PIK3R3: variants seen among roughly 807,000 people sequenced by gnomAD.
PIK3R3 encodes phosphatidylinositol 3-kinase regulatory subunit gamma.
A neutral mutation model predicts 62.9 loss-of-function variants in PIK3R3; 64 were observed. That is an observed-to-expected ratio of 1.02 (90% CI 0.83 to 1.25). PIK3R3 has a LOEUF of 1.25. PIK3R3 is among the 50% of genes most tolerant of loss of function. The probability of loss-of-function intolerance (pLI) is 0.00; values close to 1 mark genes in which losing one functional copy is unlikely to be tolerated. For synonymous variants in PIK3R3, 165 were observed against 189.0 expected, an observed-to-expected ratio of 0.87 and a Z score of 1.04; for missense variants, 614 against 561.6, an observed-to-expected ratio of 1.09 and a Z score of -0.94.
the PIK3R3 span, among the ~76,000 whole-genome samples, chr1:46,161,833 C>T: frequency 6.6e-6 from 1 of 152,206 alleles, no homozygotes; most frequent in South Asian, 2.1e-4. Context: ...TGGCTCAAGC[C>T]TGTAATCCCA....
chr1:46,123,158 C>T (rs1654824534), intron 1 of PIK3R3, among the ~76,000 whole-genome samples: 2 of 152,144 alleles, frequency 1.3e-5, no homozygotes, highest in African/African-American at 4.8e-5. Context: ...GAATTATATT[C>T]ATGAAATAAT....
chr1:46,156,082 A>T, the PIK3R3 span, among the ~76,000 whole-genome samples: 1 of 152,202 alleles, frequency 6.6e-6, no homozygotes, highest in African/African-American at 2.4e-5. Flanking sequence ...TAAAACGTGT[A>T]TCTTAAAATG....
chr1:46,111,576 A>G (rs962978710), intron 1 of PIK3R3, among the ~76,000 whole-genome samples: 6 of 152,058 alleles, frequency 3.9e-5, no homozygotes, highest in African/African-American at 1.4e-4. Context: ...AAATACAAAA[A>G]TTAGCCGCGT....
At chr1:46,150,891 T>C in the PIK3R3 span, among the ~76,000 whole-genome samples, 2 of 147,974 alleles carry the variant, frequency 1.4e-5, no homozygotes, top group Admixed American at 6.8e-5. Context: ...TCACTGCAAC[T>C]TCCGCCTCCC....
intron 1 of PIK3R3, among the ~76,000 whole-genome samples, chr1:46,129,507 T>C (rs1002936012): frequency 2.0e-5 from 3 of 152,022 alleles, no homozygotes; most frequent in African/African-American, 7.2e-5. Flanking sequence ...CATTGTAAGA[T>C]AAATCATCAG....
the PIK3R3 span, among the ~76,000 whole-genome samples, chr1:46,171,629 C>G: frequency 6.6e-6 from 1 of 152,046 alleles, no homozygotes; most frequent in African/African-American, 2.4e-5. Context: ...AGCCTGGCGC[C>G]CCAGGGGCTG....
chr1:46,077,025 T>C (rs767410608), intron 3 of PIK3R3, among the ~76,000 whole-genome samples: 2 of 152,298 alleles, frequency 1.3e-5, no homozygotes, highest in Admixed American at 1.3e-4. Context: ...TGTGCAAATA[T>C]TAAAAAATCA....
chr1:46,047,424 C>T (rs1232832387), intron 7 of PIK3R3, among the ~76,000 whole-genome samples: 8 of 130,982 alleles, frequency 6.1e-5, no homozygotes, highest in East Asian at 4.3e-4. Context: ...GGCGACAGAA[C>T]GAGACTCCAT....
intron 1 of PIK3R3, 68 bp downstream of exon 1, chr1:46,131,779 A>G: frequency 6.7e-7 from 1 of 1,483,982 alleles, no homozygotes; most frequent in Non-Finnish European, 9.4e-7. Flanking sequence ...CCCTGAAAAC[A>G]TCAGCAAGCT....
At chr1:46,162,809 G>A in the PIK3R3 span, among the ~76,000 whole-genome samples, 199 of 152,252 alleles carry the variant, frequency 1.3e-3, no homozygotes, top group South Asian at 5.6e-3. Flanking sequence ...TTTTAGTAGA[G>A]ATGAGGTTTC....
upstream of PIK3R3, chr1:46,132,659 C>T (rs1655732726): frequency 2.3e-6 from 3 of 1,289,672 alleles, no homozygotes; most frequent in African/African-American, 1.5e-5. Flanking sequence ...TTCATTTTAA[C>T]GGCGCGGAGG....
chr1:46,076,173 G>C (rs142936072), intron 3 of PIK3R3, among the ~76,000 whole-genome samples: 1 of 152,166 alleles, frequency 6.6e-6, no homozygotes, highest in East Asian at 1.9e-4. Flanking sequence ...AGGTAATCCA[G>C]CCAAATTGAC....
At chr1:46,132,681 C>A, upstream of PIK3R3, 3 of 1,289,736 alleles carry the variant, frequency 2.3e-6, no homozygotes, top group Non-Finnish European at 3.0e-6. Flanking sequence ...GACACCCTCC[C>A]CGCCCCATGC....
intron 1 of PIK3R3, among the ~76,000 whole-genome samples, chr1:46,116,558 AG>A (rs1270214145): frequency 6.6e-6 from 1 of 151,696 alleles, no homozygotes; most frequent in African/African-American, 2.4e-5. Context: ...GCTACTCGGG[AG>A]GCTGAGGCAG....
At chr1:46,046,839 A>G (rs1484565748) in intron 7 of PIK3R3, 2 of 558,404 alleles carry the variant, frequency 3.6e-6, no homozygotes, top group South Asian at 5.1e-5. Flanking sequence ...AGGCAGAAAC[A>G]TAGAGGGCTA....
intron 1 of PIK3R3, among the ~76,000 whole-genome samples, chr1:46,130,026 G>A (rs1655439630): frequency 6.6e-6 from 1 of 152,076 alleles, no homozygotes; most frequent in South Asian, 2.1e-4. Flanking sequence ...AGTTATAACA[G>A]TCAACTTTTC....
At chr1:46,167,040 AG>A in the PIK3R3 span, among the ~76,000 whole-genome samples, 1 of 152,166 alleles carries the variant, frequency 6.6e-6, no homozygotes, top group African/African-American at 2.4e-5. Context: ...GGTTAATTAT[AG>A]CCCCACCCCG....
At chr1:46,049,965 C>T (rs1647220816) in intron 7 of PIK3R3, among the ~76,000 whole-genome samples, 1 of 151,410 alleles carries the variant, frequency 6.6e-6, no homozygotes, top group Non-Finnish European at 1.5e-5. Flanking sequence ...ACTAAAAATA[C>T]AAAAAATTAG....
At chr1:46,145,422 G>C in the PIK3R3 span, among the ~76,000 whole-genome samples, 1 of 152,034 alleles carries the variant, frequency 6.6e-6, no homozygotes, top group African/African-American at 2.4e-5. Flanking sequence ...TTGGCTGGAA[G>C]AGTCCAAAAT....
Sources: allele counts gnomAD v4.1 joint callset (sites outside exome capture counted in the v4.1 genomes callset), GRCh38; gene constraint gnomAD v4.1.1; transcripts MANE v1.5; gene names NCBI Gene and HGNC (gene_info 2026-07-23, HGNC 2026-07-21).